Variants in GRIK2 observed in about 807,000 individuals in gnomAD.
GRIK2 encodes the protein glutamate ionotropic receptor kainate type subunit 2.
GRIK2 carries 32 observed loss-of-function variants against 100.3 expected under a neutral mutation model. The ratio of observed to expected loss-of-function variants is 0.32; its 90% CI spans 0.24 to 0.43. The LOEUF is 0.43. Among genes scored for constraint, GRIK2 ranks in the 20% least tolerant of loss-of-function variants. The probability of loss-of-function intolerance (pLI) is 1.00; values close to 1 mark genes in which losing one functional copy is unlikely to be tolerated. For synonymous variants in GRIK2, 417 were observed against 389.4 expected (o/e 1.07, Z -0.83); for missense variants, 843 against 1,114.9 (o/e 0.76, Z 3.47).
At chr6:101,833,001 T>G (rs1782801633) in intron 10 of GRIK2, among the ~76,000 whole-genome samples, 1 of 152,194 alleles carries the variant, frequency 6.6e-6, no homozygotes, top group Non-Finnish European at 1.5e-5. Context: ...TATCACAATT[T>G]CAATAGAATA....
intron 2 of GRIK2, among the ~76,000 whole-genome samples, chr6:101,461,916 G>A (rs1346849469): frequency 6.6e-6 from 1 of 152,194 alleles, no homozygotes; most frequent in East Asian, 1.9e-4. Flanking sequence ...ATGTTGGAGT[G>A]TTATATTCCC....
chr6:101,808,301 G>A (rs1164337213), intron 9 of GRIK2, among the ~76,000 whole-genome samples: 1 of 152,042 alleles, frequency 6.6e-6, no homozygotes, highest in East Asian at 1.9e-4. Context: ...ATTGCAAGAT[G>A]AGCTACCTAG....
At chr6:101,873,958 G>C (rs1323278243) in intron 11 of GRIK2, among the ~76,000 whole-genome samples, 1 of 151,952 alleles carries the variant, frequency 6.6e-6, no homozygotes, top group Admixed American at 6.6e-5. Flanking sequence ...TTTTTTTCTT[G>C]TCAATTTGTT....
rs374524150 is a variant in GRIK2 at position 101,924,725 on chromosome 6, C to T, written c.1867+6C>T. 17 of 1,499,028 alleles carry T rather than the reference C, an allele frequency of 1.1e-5. No homozygotes were observed. In the South Asian group the frequency reaches 1.5e-4, roughly 13 times the overall value. 92.9% of individuals were successfully genotyped at this position (1,499,028 alleles called of 1,614,324 possible). On this transcript the variant is annotated splice_donor_region_variant and intron_variant, in intron 13 of 16. Coordinates refer to ENST00000369134, the MANE Select transcript of GRIK2 (RefSeq NM_021956.5). ...TGGAGCTCTCATGCAGCAAGGTATA[C>T]GATTCAGCCTGCTATTTCCTTTGGG...
chr6:101,952,075 C>G (rs1171574262), intron 14 of GRIK2, among the ~76,000 whole-genome samples: 2 of 152,220 alleles, frequency 1.3e-5, no homozygotes, highest in African/African-American at 4.8e-5. Context: ...ACATCCCCTT[C>G]GTTAGCTCTT....
intron 7 of GRIK2, among the ~76,000 whole-genome samples, chr6:101,768,299 A>G (rs1778163657): frequency 6.6e-6 from 1 of 152,134 alleles, no homozygotes; most frequent in Non-Finnish European, 1.5e-5. Flanking sequence ...ATCCATGTAC[A>G]TTTTTCCTTT....
chr6:102,022,208 C>A (rs1769464967), intron 14 of GRIK2, among the ~76,000 whole-genome samples: 1 of 150,118 alleles, frequency 6.7e-6, no homozygotes, highest in African/African-American at 2.4e-5. Context: ...AACTTATATA[C>A]ATATAACTGT....
intron 2 of GRIK2, among the ~76,000 whole-genome samples, chr6:101,569,484 T>G (rs1777435076): frequency 6.6e-6 from 1 of 151,826 alleles, no homozygotes; most frequent in Non-Finnish European, 1.5e-5. Context: ...AATTTATAAA[T>G]ATAAATATTA....
At chr6:101,779,703 GCTT>G (rs1778965912) in intron 7 of GRIK2, among the ~76,000 whole-genome samples, 2 of 152,060 alleles carry the variant, frequency 1.3e-5, no homozygotes. Context: ...CCTAATTTGA[GCTT>G]CTTTCTGCTG....
rs1005993366 is a variant in GRIK2 at position 101,725,941 on chromosome 6, C to T, written c.951+39588C>T. The stretch of plus-strand genomic sequence containing the variant: ...CATAATGTAAATTACATGATGATTG[C>T]ATAAAGTTTTCATTGAGATTAGTTT... On this transcript the variant is annotated intron_variant, in intron 7 of 16. Transcript: ENST00000369134. 8.6e-5 allele frequency among the ~76,000 whole-genome samples: 13 copies of T among 151,982 alleles called. No homozygotes were observed. In the Middle Eastern group the frequency reaches 0.01, roughly 121 times the overall value.
At chr6:101,664,373 T>C (rs1489098291) in intron 4 of GRIK2, among the ~76,000 whole-genome samples, 1 of 152,230 alleles carries the variant, frequency 6.6e-6, no homozygotes, top group African/African-American at 2.4e-5. Flanking sequence ...ACAGCTCTTA[T>C]ATCAGTCGCT....
rs2852563 is a variant in GRIK2, at chr6:101,678,158, C to T, written c.723+1354C>T. On this transcript the variant is annotated intron_variant, in intron 5 of 16. Transcript: ENST00000369134. ...AGTGACAGAGCTTTGGCTGCTTTCT[C>T]TAGGCTTCTAGTAAGTATGTAAATG... Among the ~76,000 whole-genome samples the T allele has an allele frequency of 1.6e-3, 239 of 152,192 alleles. 1 individual carries two copies. Among genetic ancestry groups the T allele is most frequent in the African/African-American group, 5.7e-3 (237 of 41,554 alleles).
chr6:101,508,838 C>T (rs1368607211), intron 2 of GRIK2, among the ~76,000 whole-genome samples: 2 of 151,864 alleles, frequency 1.3e-5, no homozygotes, highest in Non-Finnish European at 1.5e-5. Context: ...TTAACTTTGC[C>T]AAGTGTGAAT....
chr6:101,952,571 T>A (rs184472017), intron 14 of GRIK2, among the ~76,000 whole-genome samples: 3 of 152,274 alleles, frequency 2.0e-5, no homozygotes, highest in Non-Finnish European at 4.4e-5. Flanking sequence ...GTTCAAGAAT[T>A]TTTAGTATAT....
rs558535993 is a variant in GRIK2 at position 101,590,557 on chromosome 6, A to G, written c.116-31392A>G. On this transcript the variant is annotated intron_variant, in intron 2 of 16. Transcript: ENST00000369134. ...GCTTTCTATATACCCGTTCCAGCCC[A>G]CAGTGCTTCAGTGAACATTGTAGGC... is the stretch of plus-strand genomic sequence containing the variant. Among the ~76,000 whole-genome samples the G allele has an allele frequency of 2.2e-4, 33 of 152,094 alleles. No homozygotes were observed. In the South Asian group the frequency reaches 6.9e-3, roughly 32 times the overall value.
At chr6:101,815,380 T>C (rs556125553) in intron 9 of GRIK2, among the ~76,000 whole-genome samples, 74 of 152,108 alleles carry the variant, frequency 4.9e-4, no homozygotes, top group Non-Finnish European at 7.5e-4. Flanking sequence ...ATGAATAAAA[T>C]CATAATTTTC....
At chr6:101,550,517 A>G (rs895172366) in intron 2 of GRIK2, among the ~76,000 whole-genome samples, 2 of 152,202 alleles carry the variant, frequency 1.3e-5, no homozygotes, top group Non-Finnish European at 2.9e-5. Flanking sequence ...GATATTTGAA[A>G]CAGCTTTGTA....
chr6:101,639,822 G>C lies in GRIK2; in HGVS notation c.541+13185G>C, dbSNP rs556019340. Among the ~76,000 whole-genome samples, 6 of 152,258 alleles carry C rather than the reference G, an allele frequency of 3.9e-5. No individual in the cohort carries two copies. In the East Asian group the frequency reaches 1.2e-3, roughly 29 times the overall value. On this transcript the variant is annotated intron_variant, in intron 4 of 16. Coordinates refer to ENST00000369134, the MANE Select transcript of GRIK2 (RefSeq NM_021956.5). ...ATTGTCCATTCCAGAGTTCTTCCAA[G>C]TTAGAAGTGGAACAGTATCCACTAG...
rs966525369 is a variant in GRIK2, at chr6:101,417,071, A to G, written c.115+17679A>G. ...AATTGACTCACAGTTCCACATGGCT[A>G]GGGAGGCCTCACAATCATGGCGGAA... On this transcript the variant is annotated intron_variant, in intron 2 of 16. Coordinates refer to ENST00000369134, the MANE Select transcript of GRIK2 (RefSeq NM_021956.5). Among the ~76,000 whole-genome samples the G allele has an allele frequency of 3.9e-5, 6 of 152,330 alleles. No homozygotes were observed. In the South Asian group the frequency reaches 8.3e-4, roughly 21 times the overall value.
Sources: allele counts gnomAD v4.1 joint callset (sites outside exome capture counted in the v4.1 genomes callset), GRCh38; gene constraint gnomAD v4.1.1; transcripts MANE v1.5; gene names NCBI Gene and HGNC (gene_info 2026-07-23, HGNC 2026-07-21).